TRPM4: variants seen among roughly 807,000 people sequenced by gnomAD.
The protein encoded by TRPM4 is transient receptor potential cation channel subfamily M member 4, also known as calcium-activated non-selective cation channel 1.
TRPM4 carries 124 observed loss-of-function variants against 135.6 expected under a neutral mutation model. The ratio of observed to expected loss-of-function variants is 0.91; its 90% confidence interval spans 0.79 to 1.06. The LOEUF (loss-of-function observed/expected upper bound fraction) is 1.06, where lower values mean the gene tolerates loss of function less well. Among genes scored for constraint, TRPM4 ranks in the 50% least tolerant of loss-of-function variants. TRPM4 has a pLI of 0.00. For missense variants in TRPM4, 1,658 were observed against 1,671.4 expected (o/e 0.99, Z 0.14); for synonymous variants, 745 against 705.6 (o/e 1.06, Z -0.88).
chr19:49,201,928 C>T (rs532551987), intron 19 of TRPM4, 36 bp from the exon 20 acceptor site: 3 of 1,609,670 alleles, frequency 1.9e-6, no homozygotes, highest in African/African-American at 1.3e-5. Flanking sequence ...AGGTCTCTGT[C>T]CCCCTCACCC....
At chr19:49,180,374 C>T (rs931674024) in intron 9 of TRPM4, among the ~76,000 whole-genome samples, 1 of 151,688 alleles carries the variant, frequency 6.6e-6, no homozygotes, top group Non-Finnish European at 1.5e-5. Context: ...TCTTTCCCTT[C>T]ACAATATACC....
intron 17 of TRPM4, among the ~76,000 whole-genome samples, 175 bp from the exon 18 acceptor site, chr19:49,200,125 C>T (rs1191206436): frequency 1.3e-5 from 2 of 152,154 alleles, no homozygotes; most frequent in Non-Finnish European, 2.9e-5. Context: ...GTGCCAGGGC[C>T]CTGCATGGAC....
chr19:49,182,754 G>A lies in TRPM4; in HGVS notation c.1440G>A (p.Ala480=). The change falls in exon 11 of 25, where the codon GCG becomes GCA. Residue 480 remains alanine, a synonymous_variant. Transcript: ENST00000252826. ...NSLIRNLLDQ[A]SHSAGTKAPA... ...TCATCCGCAACCTTTTGGACCAGGCGTCCCACAGCGCAGGCACCAAAGCCC... is the reference window on the plus strand; with the variant it reads ...TCATCCGCAACCTTTTGGACCAGGCATCCCACAGCGCAGGCACCAAAGCCC... 6.2e-7 allele frequency: 1 copy of A among 1,613,846 alleles called. No individual in the cohort carries two copies. The highest frequency in any genetic ancestry group is 8.5e-7 in the Non-Finnish European group (1 of 1,179,794).
At chr19:49,197,368 C>G (rs1174451490) in intron 17 of TRPM4, among the ~76,000 whole-genome samples, 2 of 105,382 alleles carry the variant, frequency 1.9e-5, no homozygotes. Flanking sequence ...TTCTTTCTCT[C>G]TCTTTCTTTT....
chr19:49,191,080 T>C (rs1968394991), intron 16 of TRPM4, among the ~76,000 whole-genome samples: 1 of 152,100 alleles, frequency 6.6e-6, no homozygotes, highest in African/African-American at 2.4e-5. Context: ...ATAGATCTCA[T>C]GTGAACTAAC....
Position 49,200,360 on chromosome 19 carries a change from C to T in TRPM4, c.2706C>T (p.Phe902=), listed in dbSNP as rs141082213. Residue 902 remains phenylalanine (F), a synonymous_variant, in exon 18 of 25, where the codon TTC becomes TTT. Coordinates refer to ENST00000252826, the MANE Select transcript of TRPM4 (RefSeq NM_017636.4). ...RTVLCIDFMV[F]TVRLLHIFTV... is the part of the protein sequence containing the mutation. Reference sequence around the variant, plus strand: ...TCCTCTGCATCGACTTCATGGTTTTCACGGTGCGGCTGCTTCACATCTTCA... The same window carrying T: ...TCCTCTGCATCGACTTCATGGTTTTTACGGTGCGGCTGCTTCACATCTTCA... 27 of 1,613,952 alleles carry T rather than the reference C, an allele frequency of 1.7e-5. No homozygotes were observed. The highest frequency in any genetic ancestry group is 2.3e-5 in the Non-Finnish European group (27 of 1,180,040).
intron 16 of TRPM4, among the ~76,000 whole-genome samples, chr19:49,191,394 C>A (rs1225891401): frequency 1.3e-5 from 2 of 151,714 alleles, no homozygotes; most frequent in Non-Finnish European, 1.5e-5. Flanking sequence ...AAAGTAGAGT[C>A]GGGATTTCAC....
Position 49,210,296 on chromosome 19 carries a change from C to T in TRPM4, c.3219C>T (p.Pro1073=), listed in dbSNP as rs553629839. 7 of 1,614,256 alleles carry T rather than the reference C, an allele frequency of 4.3e-6. No homozygotes were observed. Among genetic ancestry groups the T allele is most frequent in the South Asian group, 1.1e-5 (1 of 91,092 alleles). ...TCATCCGGGAATTCCACTCTCGGCCCGCGCTGGCCCCGCCCTTTATCGTCA... is the reference window on the plus strand; with the variant it reads ...TCATCCGGGAATTCCACTCTCGGCCTGCGCTGGCCCCGCCCTTTATCGTCA... ...YRLIREFHSR[P]ALAPPFIVIS... The change falls in exon 21 of 25, where the codon CCC becomes CCT. Residue 1073 remains proline, a synonymous_variant. Coordinates refer to ENST00000252826, the MANE Select transcript of TRPM4 (RefSeq NM_017636.4). This position sits in a 1 kb window ranked among gnomAD's most constrained non-coding sequence, Gnocchi z 4.1.
chr19:49,190,472 G>T, intron 15 of TRPM4, 152 bp downstream of exon 15: 1 of 839,840 alleles, frequency 1.2e-6, no homozygotes, highest in South Asian at 1.6e-5. Flanking sequence ...GGAGTGCTGT[G>T]GGAGGTGAGT....
At chr19:49,161,846 TCTCGAACTCCTGAC>T (rs1966980000) in intron 2 of TRPM4, among the ~76,000 whole-genome samples, 1 of 152,104 alleles carries the variant, frequency 6.6e-6, no homozygotes, top group African/African-American at 2.4e-5. Flanking sequence ...GCCAGGCTGA[TCTCGAACTCCTGAC>T]CTCAAGTGAT....
intron 1 of TRPM4, 36 bp from the exon 2 acceptor site, chr19:49,158,156 C>G: frequency 1.9e-6 from 3 of 1,598,920 alleles, no homozygotes; most frequent in Non-Finnish European, 2.6e-6. Context: ...TGCCCTCTCA[C>G]CCCACTTCCA....
chr19:49,164,872 G>C (rs1320531466), intron 2 of TRPM4, among the ~76,000 whole-genome samples: 1 of 151,916 alleles, frequency 6.6e-6, no homozygotes, highest in African/African-American at 2.4e-5. Flanking sequence ...CTAAGCACAT[G>C]CTGCCACACC....
intron 10 of TRPM4, 91 bp from the exon 11 acceptor site, chr19:49,182,472 CCATCCATCCATCCAT>C: frequency 1.2e-6 from 1 of 812,244 alleles, no homozygotes; most frequent in Non-Finnish European, 2.1e-6. Context: ...ATCCATCCAT[CCATCCATCCATCCAT>C]CCATCCATCC....
chr19:49,201,292 A>C (rs1968926319), intron 19 of TRPM4, among the ~76,000 whole-genome samples: 1 of 152,206 alleles, frequency 6.6e-6, no homozygotes, highest in African/African-American at 2.4e-5. Flanking sequence ...AGTTTTTAAA[A>C]GAAGCGAAGG....
rs144201184 is a variant in TRPM4 at position 49,181,362 on chromosome 19, G to A, written c.1164G>A (p.Ser388=). 1.9e-4 allele frequency: 313 copies of A among 1,613,658 alleles called. No homozygotes were observed. The African/African-American group carries it at 3.3e-3, about 17-fold the overall frequency. Residue 388 remains serine (S), a synonymous_variant, in exon 10 of 25, where the codon TCG becomes TCA. Coordinates refer to ENST00000252826, the MANE Select transcript of TRPM4 (RefSeq NM_017636.4). ...TAATCCTTCCAGCCTGTGGGAGCTC[G>A]GAGGCCTCAGCCTACCTGGATGAGC... is the stretch of plus-strand genomic sequence containing the variant. The part of the protein sequence containing the change: ...LKALVKACGS[S]EASAYLDELR...
rs1363296987 is a variant in TRPM4 at position 49,211,489 on chromosome 19, C to T, written c.3641-5C>T. On this transcript the variant is annotated splice_polypyrimidine_tract_variant and splice_region_variant and intron_variant, in intron 24 of 24. Coordinates refer to ENST00000252826, the MANE Select transcript of TRPM4 (RefSeq NM_017636.4). The surrounding 1 kb of genome is among the most constrained non-coding windows in gnomAD (Gnocchi z 4.8). Reference sequence around the variant, plus strand: ...ACCTGCTCTCTCTTTTCTCTCTTCCCCCAGACTGAGCCCTGCTGGCGGACT... The same window carrying T: ...ACCTGCTCTCTCTTTTCTCTCTTCCTCCAGACTGAGCCCTGCTGGCGGACT... The T allele has an allele frequency of 3.7e-6, 6 of 1,614,060 alleles. No individual in the cohort carries two copies. The Admixed American group carries it at 1.0e-4, about 27-fold the overall frequency.
In TRPM4 at chr19:49,182,802, G is replaced by A. The variant is rs1371428909; in HGVS notation, c.1488G>A (p.Ala496=). The A allele has an allele frequency of 3.2e-6, 5 of 1,577,562 alleles. No homozygotes were observed. In the South Asian group the frequency reaches 4.5e-5, roughly 14 times the overall value. Residue 496 remains alanine (A), a synonymous_variant, in exon 11 of 25, where the codon GCG becomes GCA. Coordinates refer to ENST00000252826, the MANE Select transcript of TRPM4 (RefSeq NM_017636.4). ...CCCCAGCCCTAAAAGGGGGAGCTGC[G>A]GAGCTCCGGCCCCCTGACGTGGGGC... The part of the protein sequence containing the change: ...TKAPALKGGA[A]ELRPPDVGHV...
intron 17 of TRPM4, 36 bp from the exon 18 acceptor site, chr19:49,200,264 G>T: frequency 6.2e-7 from 1 of 1,614,084 alleles, no homozygotes; most frequent in Admixed American, 1.7e-5. Context: ...GGCGTCTTGT[G>T]ACACTTGACC....
At chr19:49,167,808 C>A in intron 3 of TRPM4, 109 bp from the exon 4 acceptor site, 1 of 908,710 alleles carries the variant, frequency 1.1e-6, no homozygotes, top group East Asian at 2.4e-5. Flanking sequence ...CTCTCTGGGT[C>A]TCTGTCCCCG....
Sources: allele counts gnomAD v4.1 joint callset (sites outside exome capture counted in the v4.1 genomes callset), GRCh38; gene constraint gnomAD v4.1.1; non-coding constraint Gnocchi (gnomAD v3.1); transcripts MANE v1.5; gene names NCBI Gene and HGNC (gene_info 2026-07-23, HGNC 2026-07-21).